The following ESRRG variants were observed in gnomAD, a reference collection of about 807,000 sequenced individuals.
The protein encoded by ESRRG is estrogen related receptor gamma.
Under a neutral mutation model 44.0 loss-of-function variants are expected in ESRRG, and 13 were observed. The observed-to-expected ratio is 0.30, with a 90% confidence interval of 0.19 to 0.47. The LOEUF is 0.47. Ranked by LOEUF, ESRRG falls within the 20% of genes least tolerant of loss-of-function variation. ESRRG has a pLI of 1.00. For missense variants in ESRRG, 395 were observed against 580.6 expected, an observed-to-expected ratio of 0.68 and a Z score of 3.29; for synonymous variants, 215 against 214.6, an observed-to-expected ratio of 1.00 and a Z score of -0.02.
At chr1:216,831,166 G>A (rs1577031982) in intron 2 of ESRRG, among the ~76,000 whole-genome samples, 2 of 152,096 alleles carry the variant, frequency 1.3e-5, no homozygotes, top group African/African-American at 2.4e-5. Flanking sequence ...GGGAGGGGAA[G>A]GAGGAGGAGG....
At chr1:217,010,529 T>C (rs1010723665) in intron 1 of ESRRG, among the ~76,000 whole-genome samples, 4 of 152,202 alleles carry the variant, frequency 2.6e-5, no homozygotes, top group East Asian at 1.9e-4. Context: ...TTTGCGGGTG[T>C]ATTTATCCTT....
intron 1 of ESRRG, among the ~76,000 whole-genome samples, chr1:216,678,778 A>C (rs1407440950): frequency 6.6e-6 from 1 of 152,174 alleles, no homozygotes; most frequent in African/African-American, 2.4e-5. Flanking sequence ...CCAGTGGAAA[A>C]TTGATTTATG....
intron 1 of ESRRG, among the ~76,000 whole-genome samples, chr1:217,109,533 G>T (rs7530009): frequency 0.028 from 4,248 of 152,220 alleles, 198 homozygotes; most frequent in African/African-American, 0.096. Context: ...CATTAAAGGA[G>T]CCCAGGAGAT....
At chr1:216,630,606 T>C (rs1360058258) in intron 3 of ESRRG, among the ~76,000 whole-genome samples, 1 of 152,168 alleles carries the variant, frequency 6.6e-6, no homozygotes, top group Non-Finnish European at 1.5e-5. Context: ...TTAACTATAG[T>C]GTGCACAGCT....
intron 2 of ESRRG, among the ~76,000 whole-genome samples, chr1:216,803,710 C>T (rs1029478789): frequency 3.3e-5 from 5 of 152,062 alleles, no homozygotes; most frequent in Non-Finnish European, 5.9e-5. Context: ...CCGAGCCCTT[C>T]GTGTGATTAA....
intron 1 of ESRRG, among the ~76,000 whole-genome samples, chr1:217,047,207 T>C (rs1358329306): frequency 6.6e-6 from 1 of 152,172 alleles, no homozygotes; most frequent in African/African-American, 2.4e-5. Flanking sequence ...TTTATGATTA[T>C]AATGTGATTT....
chr1:216,850,960 G>A (rs943205567), intron 2 of ESRRG, among the ~76,000 whole-genome samples: 3 of 150,536 alleles, frequency 2.0e-5, no homozygotes, highest in Non-Finnish European at 4.4e-5. Flanking sequence ...TGGAAGATAC[G>A]GCCCTCTAGA....
intron 1 of ESRRG, among the ~76,000 whole-genome samples, chr1:217,105,670 G>A (rs2092583471): frequency 1.3e-5 from 2 of 152,128 alleles, no homozygotes; most frequent in African/African-American, 4.8e-5. Flanking sequence ...GCGCCTGCCT[G>A]TCTCCATGGT....
At chr1:216,613,658 G>A (rs997531537) in intron 3 of ESRRG, among the ~76,000 whole-genome samples, 32 of 152,224 alleles carry the variant, frequency 2.1e-4, no homozygotes, top group African/African-American at 7.2e-4. Context: ...TAACAACGTT[G>A]TATTTTACTG....
rs565706383 is a variant in ESRRG, at chr1:216,829,629, A to G, written c.-14+109953T>C. Among the ~76,000 whole-genome samples the G allele has an allele frequency of 9.2e-4, 138 of 149,254 alleles. 1 individual carries two copies. The highest frequency in any genetic ancestry group is 3.1e-3 in the African/African-American group (126 of 40,336). On this transcript the variant is annotated intron_variant, in intron 2 of 7. Coordinates refer to the ESRRG transcript ENST00000359162. ...GAATGCAGTGGCGCCATCTTGGCTC[A>G]CTCCAACCTCCGCCTCCTGGGTTCA...
chr1:216,546,738 G>A (rs1246952022), intron 5 of ESRRG, among the ~76,000 whole-genome samples: 2 of 151,484 alleles, frequency 1.3e-5, no homozygotes, highest in East Asian at 3.9e-4. Flanking sequence ...TTAGTAATTT[G>A]GTTTAGCATA....
In ESRRG at chr1:216,829,664, C is replaced by T. The variant is rs556684321; in HGVS notation, c.-14+109918G>A. ...CCGCCTCCTGGGTTCAAGTGATTCTCCTGCCTCAGCCCCTAGGTAGCTGGG... is the reference window on the plus strand; with the variant it reads ...CCGCCTCCTGGGTTCAAGTGATTCTTCTGCCTCAGCCCCTAGGTAGCTGGG... On this transcript the variant is annotated intron_variant, in intron 2 of 7. Transcript: ENST00000359162. Among the ~76,000 whole-genome samples, 4 of 151,940 alleles carry T rather than the reference C, an allele frequency of 2.6e-5. No individual in the cohort carries two copies. In the South Asian group the frequency reaches 8.3e-4, roughly 32 times the overall value.
intron 1 of ESRRG, among the ~76,000 whole-genome samples, chr1:216,711,338 G>T (rs1171219350): frequency 6.6e-6 from 1 of 152,162 alleles, no homozygotes; most frequent in Non-Finnish European, 1.5e-5. Flanking sequence ...GAGTTCTGCA[G>T]CTGCCCACAC....
intron 1 of ESRRG, among the ~76,000 whole-genome samples, chr1:217,037,522 A>G (rs940379867): frequency 6.6e-6 from 1 of 152,156 alleles, no homozygotes; most frequent in African/African-American, 2.4e-5. Context: ...TGATTCAATC[A>G]TCTCCTACTG....
intron 3 of ESRRG, among the ~76,000 whole-genome samples, chr1:216,607,924 T>G (rs768848072): frequency 6.6e-6 from 1 of 152,196 alleles, no homozygotes; most frequent in Non-Finnish European, 1.5e-5. Flanking sequence ...AAAGCATTAT[T>G]TCTCCTAGAT....
intron 1 of ESRRG, among the ~76,000 whole-genome samples, chr1:216,982,125 T>C (rs1450799238): frequency 6.6e-6 from 1 of 152,182 alleles, no homozygotes; most frequent in African/African-American, 2.4e-5. Flanking sequence ...TTTTTAAAGA[T>C]GGGTGATTTT....
At chr1:216,927,286 T>G (rs55950540) in intron 2 of ESRRG, among the ~76,000 whole-genome samples, 8,409 of 152,270 alleles carry the variant, frequency 0.055, 233 homozygotes, top group African/African-American at 0.069. Context: ...ATGTTCCTTT[T>G]TGCTTAGAAG....
At chr1:216,971,080 C>T (rs2071554074) in intron 1 of ESRRG, among the ~76,000 whole-genome samples, 1 of 152,128 alleles carries the variant, frequency 6.6e-6, no homozygotes, top group African/African-American at 2.4e-5. Flanking sequence ...ACCCTGGAAA[C>T]CCTCATTCCA....
intron 2 of ESRRG, among the ~76,000 whole-genome samples, chr1:216,749,372 G>T (rs2091779197): frequency 6.6e-6 from 1 of 152,052 alleles, no homozygotes; most frequent in Non-Finnish European, 1.5e-5. Flanking sequence ...GGCTGGATTT[G>T]GACTTCCTGG....
Sources: allele counts gnomAD v4.1 joint callset (sites outside exome capture counted in the v4.1 genomes callset), GRCh38; gene constraint gnomAD v4.1.1; transcripts MANE v1.5; gene names NCBI Gene and HGNC (gene_info 2026-07-23, HGNC 2026-07-21).